The following OCM variants were observed in gnomAD, a reference collection of about 807,000 sequenced individuals.
OCM encodes oncomodulin, also known as oncomodulin-1.
Under a neutral mutation model 14.1 loss-of-function variants are expected in OCM, and 18 were observed. The observed-to-expected ratio is 1.28, with a 90% CI of 0.88 to 1.89. OCM has a LOEUF of 1.89. Among genes scored for constraint, OCM ranks in the 40% most tolerant of loss-of-function variants. The pLI, the probability that OCM is intolerant of heterozygous loss-of-function variation, is 0.00. For synonymous variants in OCM, 48 were observed against 51.0 expected (o/e 0.94, Z 0.25); for missense variants, 140 against 137.6 (o/e 1.02, Z -0.09).
chr7:5,860,700 G>GTA, the OCM span, among the ~76,000 whole-genome samples: 2 of 129,704 alleles, frequency 1.5e-5, no homozygotes, highest in African/African-American at 3.0e-5. Context: ...ATATTATTAC[G>GTA]TATATATACG....
chr7:5,874,648 G>A, the OCM span, among the ~76,000 whole-genome samples: 3 of 151,798 alleles, frequency 2.0e-5, no homozygotes, highest in African/African-American at 4.8e-5. Context: ...GGGACCATAG[G>A]TGCACGCAAC....
Position 5,886,276 on chromosome 7 carries a change from G to A in OCM, c.*187G>A, listed in dbSNP as rs1274231270. The A allele has an allele frequency of 1.4e-6, 1 of 721,902 alleles. No individual in the cohort carries two copies. The allele number at this position is 721,902 out of a possible 1,614,324, so 44.7% of individuals were successfully genotyped here. A position where few individuals can be genotyped will look rare whatever the true frequency, so the allele number is the denominator to read the frequency against. The stretch of plus-strand genomic sequence containing the variant: ...TCACTCCTGACTTTCTTGGTGGTGG[G>A]TATATGCCCTGACAACTTCTGTAAG... On this transcript the variant is annotated 3_prime_UTR_variant, in exon 4 of 4. Coordinates refer to ENST00000242104, the MANE Select transcript of OCM (RefSeq NM_001097622.2).
chr7:5,883,893 T>C lies in OCM; in HGVS notation c.198T>C (p.Phe66=). ...SGYLDEEELK[F]FLQKFESGAR... is the part of the protein sequence containing the mutation. ...ATGGATCTTTATTATCCTGTAGGTTTTTCCTCCAGAAGTTTGAGAGTGGTG... is the reference window on the plus strand; with the variant it reads ...ATGGATCTTTATTATCCTGTAGGTTCTTCCTCCAGAAGTTTGAGAGTGGTG... Residue 66 remains phenylalanine (F), a synonymous_variant, in exon 3 of 4, where the codon TTT becomes TTC. Transcript: ENST00000242104. The C allele has an allele frequency of 1.9e-6, 3 of 1,612,500 alleles. No individual in the cohort carries two copies. Among genetic ancestry groups the C allele is most frequent in the Non-Finnish European group, 2.5e-6 (3 of 1,178,868 alleles).
the OCM span, among the ~76,000 whole-genome samples, chr7:5,860,769 C>A: frequency 1.5e-3 from 206 of 138,098 alleles, 2 homozygotes; most frequent in African/African-American, 5.3e-3. Flanking sequence ...TATATATATT[C>A]GTATATATAC....
chr7:5,881,115 G>A (rs77884146), intron 1 of OCM, among the ~76,000 whole-genome samples, 165 bp downstream of exon 1: 2 of 151,310 alleles, frequency 1.3e-5, no homozygotes, highest in East Asian at 1.9e-4. Context: ...TCAGGAGTTC[G>A]AGACCAGCCT....
At position 5,880,958 on chromosome 7, in the gene OCM, G is replaced by A. The variant is rs1450658432; in HGVS notation, c.61+8G>A. The A allele has an allele frequency of 6.2e-7, 1 of 1,613,074 alleles. No homozygotes were observed. Among genetic ancestry groups the A allele is most frequent in the Non-Finnish European group, 8.5e-7 (1 of 1,179,202 alleles). On this transcript the variant is annotated splice_region_variant and intron_variant, in intron 1 of 3. Coordinates refer to ENST00000242104, the MANE Select transcript of OCM (RefSeq NM_001097622.2). ...CGCTCCAGGAATGCCGAGGTAGAGGGGACGTGAGGCGGGGGTGGGATTTCC... is the reference window on the plus strand; with the variant it reads ...CGCTCCAGGAATGCCGAGGTAGAGGAGACGTGAGGCGGGGGTGGGATTTCC...
the OCM span, among the ~76,000 whole-genome samples, chr7:5,869,547 G>A: frequency 6.6e-6 from 1 of 152,016 alleles, no homozygotes; most frequent in South Asian, 2.1e-4. Flanking sequence ...GCAGTGAGCC[G>A]AGATGGCACC....
chr7:5,883,730 C>T (rs1781273344), intron 2 of OCM, among the ~76,000 whole-genome samples, 160 bp from the exon 3 acceptor site: 1 of 152,044 alleles, frequency 6.6e-6, no homozygotes, highest in Non-Finnish European at 1.5e-5. Flanking sequence ...AAGTGCCCAC[C>T]ATTGGTTTCT....
chr7:5,886,269 G>A lies in OCM; in HGVS notation c.*180G>A. Reference sequence around the variant, plus strand: ...GAGGGAGTCACTCCTGACTTTCTTGGTGGTGGGTATATGCCCTGACAACTT... The same window carrying A: ...GAGGGAGTCACTCCTGACTTTCTTGATGGTGGGTATATGCCCTGACAACTT... On this transcript the variant is annotated 3_prime_UTR_variant, in exon 4 of 4. Transcript: ENST00000242104. 3 of 823,218 alleles carry A rather than the reference G, an allele frequency of 3.6e-6. No homozygotes were observed. Among genetic ancestry groups the A allele is most frequent in the Non-Finnish European group, 3.8e-6 (2 of 521,146 alleles). 51.0% of individuals were successfully genotyped at this position (823,218 alleles called of 1,614,324 possible).
chr7:5,867,187 T>C, the OCM span, among the ~76,000 whole-genome samples: 1 of 152,312 alleles, frequency 6.6e-6, no homozygotes, highest in Non-Finnish European at 1.5e-5. Flanking sequence ...GCCTGCATTG[T>C]TTCTGATCAG....
chr7:5,860,256 A>G, the OCM span, among the ~76,000 whole-genome samples: 2 of 151,692 alleles, frequency 1.3e-5, no homozygotes, highest in Non-Finnish European at 2.9e-5. Flanking sequence ...TTTCTTGTTC[A>G]TGAAAAAATC....
chr7:5,882,442 C>A (rs1203411842), intron 1 of OCM, 51 bp from the exon 2 acceptor site: 7 of 1,600,606 alleles, frequency 4.4e-6, no homozygotes, highest in Non-Finnish European at 5.1e-6. Context: ...TTGGCCCCAA[C>A]ATAGAATGTG....
At chr7:5,872,012 G>C in the OCM span, 1 of 152,242 alleles carries the variant, frequency 6.6e-6, no homozygotes, top group Non-Finnish European at 1.5e-5. Context: ...TCGGCCTCCC[G>C]AGTAGCTGGA....
At chr7:5,870,293 G>A in the OCM span, among the ~76,000 whole-genome samples, 1 of 151,900 alleles carries the variant, frequency 6.6e-6, no homozygotes. Flanking sequence ...AAATTTTTTT[G>A]TAGCGATAGA....
At chr7:5,860,736 G>A in the OCM span, among the ~76,000 whole-genome samples, 1 of 132,334 alleles carries the variant, frequency 7.6e-6, no homozygotes, top group Non-Finnish European at 1.6e-5. Flanking sequence ...ATATATTCAC[G>A]TATATATACA....
intron 1 of OCM, 57 bp downstream of exon 1, chr7:5,881,007 G>A: frequency 1.9e-6 from 3 of 1,564,290 alleles, no homozygotes; most frequent in East Asian, 2.2e-5. Flanking sequence ...CCTCCAGCGA[G>A]TCAACACAAA....
At chr7:5,865,247 C>T in the OCM span, among the ~76,000 whole-genome samples, 2 of 152,176 alleles carry the variant, frequency 1.3e-5, no homozygotes, top group Admixed American at 6.5e-5. Flanking sequence ...GAGAACTTTG[C>T]CCAAAAGGCT....
At position 5,880,988 on chromosome 7, in the gene OCM, A is replaced by C. The variant is rs775878103; in HGVS notation, c.61+38A>C. On this transcript the variant is annotated intron_variant, in intron 1 of 3. Transcript: ENST00000242104. ...TGAGGCGGGGGTGGGATTTCCTCAC[A>C]GCTTTGCACCTCCAGCGAGTCAACA... The C allele has an allele frequency of 1.0e-5, 16 of 1,595,350 alleles. No individual in the cohort carries two copies. In the African/African-American group the frequency reaches 2.1e-4, roughly 21 times the overall value.
At chr7:5,871,741 CT>C in the OCM span, 1,241 of 145,264 alleles carry the variant, frequency 8.5e-3, 23 homozygotes, top group African/African-American at 0.027. Context: ...TTTTTTCTTT[CT>C]TTTTTTTTTT....
Sources: allele counts gnomAD v4.1 joint callset (sites outside exome capture counted in the v4.1 genomes callset), GRCh38; gene constraint gnomAD v4.1.1; transcripts MANE v1.5; gene names NCBI Gene and HGNC (gene_info 2026-07-23, HGNC 2026-07-21).